The following ELAPOR2 variants were observed in gnomAD, a reference collection of about 807,000 sequenced individuals.
ELAPOR2 encodes the protein endosome/lysosome-associated apoptosis and autophagy regulator family member 2.
In ELAPOR2, 89 loss-of-function variants were observed where a neutral mutation model predicts 120.7. The observed-to-expected ratio is 0.74, with a 90% CI of 0.62 to 0.88. The LOEUF is 0.88. Ranked by LOEUF, ELAPOR2 falls within the 40% of genes least tolerant of loss-of-function variation. The probability of loss-of-function intolerance (pLI) is 0.00; values close to 1 mark genes in which losing one functional copy is unlikely to be tolerated. For synonymous variants in ELAPOR2, 444 were observed against 444.9 expected, an observed-to-expected ratio of 1.00 and a Z score of 0.03; for missense variants, 1,134 against 1,251.6, an observed-to-expected ratio of 0.91 and a Z score of 1.42.
intron 2 of ELAPOR2, among the ~76,000 whole-genome samples, chr7:86,960,401 C>T (rs1349996151): frequency 6.6e-6 from 1 of 152,122 alleles, no homozygotes; most frequent in Non-Finnish European, 1.5e-5. Flanking sequence ...CAGGTGCACG[C>T]CACCACACCT....
intron 2 of ELAPOR2, among the ~76,000 whole-genome samples, chr7:86,949,413 G>T (rs1488064700): frequency 1.3e-5 from 2 of 152,182 alleles, no homozygotes; most frequent in Admixed American, 6.5e-5. Flanking sequence ...CTACTGTGGG[G>T]GAAGTGCGGA....
chr7:86,903,943 A>T (rs1788843266), intron 18 of ELAPOR2, among the ~76,000 whole-genome samples: 1 of 152,198 alleles, frequency 6.6e-6, no homozygotes, highest in Admixed American at 6.5e-5. Flanking sequence ...CCTCTGGGGT[A>T]AGTGTGATAT....
At chr7:86,953,274 A>G (rs1176194130) in intron 2 of ELAPOR2, among the ~76,000 whole-genome samples, 1 of 152,184 alleles carries the variant, frequency 6.6e-6, no homozygotes, top group Non-Finnish European at 1.5e-5. Context: ...AAAGCTTTTC[A>G]TAGTTTAATC....
chr7:86,939,957 A>T, intron 6 of ELAPOR2, 53 bp downstream of exon 6: 2 of 1,128,280 alleles, frequency 1.8e-6, no homozygotes, highest in South Asian at 1.5e-5. Flanking sequence ...TAAATATTTT[A>T]ACTAACTGTA....
intron 1 of ELAPOR2, among the ~76,000 whole-genome samples, chr7:87,039,816 C>T (rs188684345): frequency 6.6e-6 from 1 of 152,262 alleles, no homozygotes; most frequent in African/African-American, 2.4e-5. Flanking sequence ...CCAGCGTGAG[C>T]GACGCAGAAG....
intron 1 of ELAPOR2, among the ~76,000 whole-genome samples, chr7:87,041,024 T>C (rs1794768829): frequency 6.6e-6 from 1 of 151,616 alleles, no homozygotes; most frequent in South Asian, 2.1e-4. Flanking sequence ...CGATGGAAGA[T>C]GAAATGAATG....
At chr7:86,930,395 T>C (rs1584363213) in intron 8 of ELAPOR2, among the ~76,000 whole-genome samples, 1 of 151,970 alleles carries the variant, frequency 6.6e-6, no homozygotes, top group Non-Finnish European at 1.5e-5. Flanking sequence ...AAGCTCTAAG[T>C]ACATTTGACT....
rs541541775 is a variant in ELAPOR2, at chr7:86,923,167, A to G, written c.1399+2361T>C. On this transcript the variant is annotated intron_variant, in intron 10 of 21. Transcript: ENST00000450689. Reference sequence around the variant, plus strand: ...GAAAAATATTACCCCTTTGAGGTAAATAGCAATTAGTTAATGGGCGCAAAA... The same window carrying G: ...GAAAAATATTACCCCTTTGAGGTAAGTAGCAATTAGTTAATGGGCGCAAAA... Among the ~76,000 whole-genome samples, 12 of 152,016 alleles carry G rather than the reference A, an allele frequency of 7.9e-5. No individual in the cohort carries two copies. The East Asian group carries it at 1.5e-3, about 20-fold the overall frequency.
At chr7:87,032,362 A>G (rs952058561) in intron 1 of ELAPOR2, among the ~76,000 whole-genome samples, 1 of 152,212 alleles carries the variant, frequency 6.6e-6, no homozygotes, top group African/African-American at 2.4e-5. Context: ...TGCCTGAGCC[A>G]TATTAACTGA....
intron 1 of ELAPOR2, among the ~76,000 whole-genome samples, chr7:87,040,956 C>T (rs1220027542): frequency 4.6e-5 from 7 of 151,674 alleles, no homozygotes; most frequent in East Asian, 1.9e-4. Flanking sequence ...TCAAGAACTA[C>T]GTGAAGAATG....
chr7:87,031,905 C>CT (rs779557977), intron 1 of ELAPOR2, among the ~76,000 whole-genome samples: 11 of 152,020 alleles, frequency 7.2e-5, no homozygotes, highest in Non-Finnish European at 1.6e-4. Flanking sequence ...AATCATTATG[C>CT]TAAGTGAAAG....
chr7:86,984,951 G>C lies in ELAPOR2; in HGVS notation c.190-19927C>G, dbSNP rs908814801. 3.6e-4 allele frequency among the ~76,000 whole-genome samples: 54 copies of C among 151,962 alleles called. 1 individual carries two copies. The highest frequency in any genetic ancestry group is 1.3e-3 in the African/African-American group (54 of 41,416). ...ATAGACTGCTAGCAAGACTAATAAA[G>C]AAGAAAAGAGAGAAGAATCAAATAG... On this transcript the variant is annotated intron_variant, in intron 1 of 21. Coordinates refer to ENST00000450689, the MANE Select transcript of ELAPOR2 (RefSeq NM_001142749.3).
chr7:86,948,550 G>A (rs1320638258), intron 2 of ELAPOR2, among the ~76,000 whole-genome samples: 1 of 152,064 alleles, frequency 6.6e-6, no homozygotes, highest in Non-Finnish European at 1.5e-5. Context: ...AAACAGGAAA[G>A]CAGTGCAATA....
chr7:87,040,243 A>G (rs1487961094), intron 1 of ELAPOR2, among the ~76,000 whole-genome samples: 12 of 152,196 alleles, frequency 7.9e-5, no homozygotes, highest in Admixed American at 6.5e-5. Context: ...AAGCAGCCGG[A>G]AAGCTCGAAC....
At chr7:87,050,937 G>A (rs1043256361) in intron 1 of ELAPOR2, among the ~76,000 whole-genome samples, 2 of 152,186 alleles carry the variant, frequency 1.3e-5, no homozygotes, top group African/African-American at 4.8e-5. Context: ...GCCATTCAAT[G>A]AAATGGAGAA....
chr7:87,003,164 A>G (rs967005133), intron 1 of ELAPOR2, among the ~76,000 whole-genome samples: 2 of 152,272 alleles, frequency 1.3e-5, no homozygotes, highest in Non-Finnish European at 2.9e-5. Flanking sequence ...AAGAAATAAG[A>G]TGTTAAAATA....
intron 1 of ELAPOR2, among the ~76,000 whole-genome samples, chr7:86,991,257 T>C (rs1792936045): frequency 1.3e-5 from 2 of 152,302 alleles, no homozygotes; most frequent in South Asian, 2.1e-4. Context: ...ATCAGGTGAA[T>C]GTTGATGATT....
chr7:86,961,364 A>G (rs540482199), intron 2 of ELAPOR2, among the ~76,000 whole-genome samples: 2 of 152,358 alleles, frequency 1.3e-5, no homozygotes, highest in East Asian at 3.9e-4. Flanking sequence ...TATATTTTAA[A>G]GAATAAGCAA....
intron 1 of ELAPOR2, among the ~76,000 whole-genome samples, chr7:87,046,056 A>G (rs1178129353): frequency 6.6e-6 from 1 of 152,066 alleles, no homozygotes; most frequent in African/African-American, 2.4e-5. Context: ...GGAAAAACCT[A>G]AAGACTCCAC....
Sources: gnomAD v4.1 joint callset for allele counts (sites outside exome capture counted in the v4.1 genomes callset) on GRCh38, gnomAD v4.1.1 for gene constraint, MANE v1.5 for transcripts, NCBI Gene and HGNC (gene_info 2026-07-23, HGNC 2026-07-21) for gene names.